GPC5: variants seen among roughly 807,000 people sequenced by gnomAD.
The protein encoded by GPC5 is glypican-5.
In GPC5, 47 loss-of-function variants were observed where a neutral mutation model predicts 53.9. That is an observed-to-expected ratio of 0.87 (90% CI 0.69 to 1.11). The LOEUF (loss-of-function observed/expected upper bound fraction) is 1.11. Among genes scored for constraint, GPC5 ranks in the 50% most tolerant of loss-of-function variants. GPC5 has a pLI of 0.00. For missense variants in GPC5, 748 were observed against 713.1 expected, an observed-to-expected ratio of 1.05 and a Z score of -0.56; for synonymous variants, 286 against 263.3, an observed-to-expected ratio of 1.09 and a Z score of -0.84.
chr13:92,229,145 C>T (rs543293179), intron 7 of GPC5, among the ~76,000 whole-genome samples: 1 of 152,096 alleles, frequency 6.6e-6, no homozygotes, highest in African/African-American at 2.4e-5. Context: ...CTACATTAGG[C>T]TCTGAGGAAA....
chr13:92,237,274 C>T (rs1378078255), intron 7 of GPC5, among the ~76,000 whole-genome samples: 5 of 152,100 alleles, frequency 3.3e-5, no homozygotes, highest in African/African-American at 9.7e-5. Flanking sequence ...GGCTGGAGTG[C>T]AGTGGCGTAA....
chr13:92,446,068 C>G (rs1877811822), intron 7 of GPC5, among the ~76,000 whole-genome samples: 1 of 151,970 alleles, frequency 6.6e-6, no homozygotes, highest in African/African-American at 2.4e-5. Flanking sequence ...TGTCTATCAC[C>G]TCAAGCATTT....
intron 7 of GPC5, among the ~76,000 whole-genome samples, chr13:92,724,852 A>G (rs1422798300): frequency 6.8e-6 from 1 of 146,844 alleles, no homozygotes; most frequent in Non-Finnish European, 1.5e-5. Flanking sequence ...TTAAAAGGGT[A>G]GATTTGTTAA....
chr13:92,753,632 T>TA (rs1256239494), intron 7 of GPC5, among the ~76,000 whole-genome samples: 1 of 152,110 alleles, frequency 6.6e-6, no homozygotes, highest in East Asian at 1.9e-4. Context: ...AAGAAGTGCT[T>TA]AAAGGAGCTG....
At chr13:92,447,267 G>A (rs1240196426) in intron 7 of GPC5, 1 of 152,034 alleles carries the variant, frequency 6.6e-6, no homozygotes, top group Non-Finnish European at 1.5e-5. Context: ...ACAGTTTGAG[G>A]TCTTAGATTT....
chr13:92,278,178 G>T (rs2139164613), intron 7 of GPC5, among the ~76,000 whole-genome samples: 1 of 151,848 alleles, frequency 6.6e-6, no homozygotes, highest in South Asian at 2.1e-4. Context: ...TTGCCTTTTG[G>T]TAAACAAAGT....
In GPC5 at chr13:91,693,439, G is replaced by T. The variant is rs1365223734; in HGVS notation, c.578G>T (p.Cys193Phe). Residue 193 changes from cysteine to phenylalanine, a missense_variant, in exon 3 of 8, where the codon TGC (cysteine) becomes TTC (phenylalanine). Coordinates refer to ENST00000377067, the MANE Select transcript of GPC5 (RefSeq NM_004466.6). ...GACAGTTCCCTGGAATACTCAGAATGCATCCGGATGGCTCGCCGGGATGTG... is the reference window on the plus strand; with the variant it reads ...GACAGTTCCCTGGAATACTCAGAATTCATCCGGATGGCTCGCCGGGATGTG... ...VTDSSLEYSE[C>F]IRMARRDVSP... 6.2e-7 allele frequency: 1 copy of T among 1,614,122 alleles called. No homozygotes were observed. The highest frequency in any genetic ancestry group is 8.5e-7 in the Non-Finnish European group (1 of 1,180,012).
chr13:91,786,524 A>G (rs1427403589), intron 5 of GPC5, among the ~76,000 whole-genome samples: 1 of 152,060 alleles, frequency 6.6e-6, no homozygotes, highest in African/African-American at 2.4e-5. Flanking sequence ...TTTTATATAC[A>G]TTAAGTTACG....
At chr13:91,940,381 A>G (rs1173384901) in intron 6 of GPC5, among the ~76,000 whole-genome samples, 2 of 152,130 alleles carry the variant, frequency 1.3e-5, no homozygotes, top group Non-Finnish European at 2.9e-5. Context: ...CATTTTCTTT[A>G]TACAATCCAT....
At chr13:92,201,420 A>G (rs1052233729) in intron 7 of GPC5, among the ~76,000 whole-genome samples, 5 of 152,232 alleles carry the variant, frequency 3.3e-5, no homozygotes, top group African/African-American at 1.2e-4. Flanking sequence ...TTCAACTGTC[A>G]TAGAAGATAT....
At chr13:92,038,974 G>A (rs1381331679) in intron 6 of GPC5, among the ~76,000 whole-genome samples, 1 of 152,162 alleles carries the variant, frequency 6.6e-6, no homozygotes, top group Non-Finnish European at 1.5e-5. Flanking sequence ...GGATATCAGA[G>A]GAAAGAATGA....
intron 6 of GPC5, among the ~76,000 whole-genome samples, chr13:92,024,106 A>C (rs745416378): frequency 3.3e-5 from 5 of 152,156 alleles, no homozygotes; most frequent in Non-Finnish European, 4.4e-5. Flanking sequence ...CATAAGCCTC[A>C]ATTATGGTGC....
chr13:91,644,093 A>G (rs2034501357), intron 2 of GPC5, among the ~76,000 whole-genome samples: 1 of 152,058 alleles, frequency 6.6e-6, no homozygotes, highest in Non-Finnish European at 1.5e-5. Context: ...AATTAATTTT[A>G]CCTGTTTATT....
At chr13:91,530,101 G>C (rs1886268593) in intron 2 of GPC5, among the ~76,000 whole-genome samples, 1 of 152,162 alleles carries the variant, frequency 6.6e-6, no homozygotes, top group African/African-American at 2.4e-5. Flanking sequence ...GGGAATTGCT[G>C]TACAGTTGCA....
chr13:92,230,595 C>T (rs113717588), intron 7 of GPC5, among the ~76,000 whole-genome samples: 309 of 152,226 alleles, frequency 2.0e-3, no homozygotes, highest in Middle Eastern at 0.01. Flanking sequence ...TCAGAAGTAA[C>T]TTAGACCCTG....
At chr13:91,704,860 G>C (rs2036065352) in intron 3 of GPC5, among the ~76,000 whole-genome samples, 1 of 152,162 alleles carries the variant, frequency 6.6e-6, no homozygotes, top group Non-Finnish European at 1.5e-5. Flanking sequence ...GATCATTCTT[G>C]GTCAATAGTT....
chr13:92,449,410 G>T (rs61973625), intron 7 of GPC5, among the ~76,000 whole-genome samples: 7,075 of 152,060 alleles, frequency 0.047, 241 homozygotes, highest in Admixed American at 0.084. Context: ...AACTCCTAGG[G>T]AATCTCACAT....
intron 2 of GPC5, among the ~76,000 whole-genome samples, chr13:91,658,732 C>T (rs538042221): frequency 7.8e-4 from 119 of 152,218 alleles, no homozygotes; most frequent in Non-Finnish European, 1.4e-3. Flanking sequence ...CCTGATTCTC[C>T]GGGCTCAACT....
rs896317846 is a variant in GPC5, at chr13:92,822,986, T to C, written c.1562-43296T>C. Among the ~76,000 whole-genome samples the C allele has an allele frequency of 2.0e-5, 3 of 151,358 alleles. No individual in the cohort carries two copies. In the East Asian group the frequency reaches 6.0e-4, roughly 30 times the overall value. ...TTTGAGAAAGTGTGAAAAAAAAAAA[T>C]CACGAGTGCCACAGAAGATACTACC... On this transcript the variant is annotated intron_variant, in intron 7 of 7. Coordinates refer to ENST00000377067, the MANE Select transcript of GPC5 (RefSeq NM_004466.6).
Sources: allele counts gnomAD v4.1 joint callset (sites outside exome capture counted in the v4.1 genomes callset), GRCh38; gene constraint gnomAD v4.1.1; transcripts MANE v1.5; gene names NCBI Gene and HGNC (gene_info 2026-07-23, HGNC 2026-07-21).